GULP1: variants seen among roughly 807,000 people sequenced by gnomAD.
The protein encoded by GULP1 is PTB domain-containing engulfment adapter protein 1.
A neutral mutation model predicts 40.9 loss-of-function variants in GULP1; 19 were observed. The ratio of observed to expected loss-of-function variants is 0.46; its 90% CI spans 0.32 to 0.68. The LOEUF is 0.68. Among genes scored for constraint, GULP1 ranks in the 30% least tolerant of loss-of-function variants. GULP1 has a pLI of 0.03. For missense variants in GULP1, 312 were observed against 362.2 expected, an observed-to-expected ratio of 0.86 and a Z score of 1.12; for synonymous variants, 119 against 117.6, an observed-to-expected ratio of 1.01 and a Z score of -0.08.
chr2:188,522,158 ACTTAGTTGTATAT>A (rs1452858814), intron 4 of GULP1, among the ~76,000 whole-genome samples: 1 of 152,206 alleles, frequency 6.6e-6, no homozygotes, highest in African/African-American at 2.4e-5. Context: ...CTATAGCTTT[ACTTAGTTGTATAT>A]CTTGGCTATT....
At chr2:188,545,247 A>G (rs1691595123) in intron 7 of GULP1, among the ~76,000 whole-genome samples, 2 of 151,910 alleles carry the variant, frequency 1.3e-5, no homozygotes, top group South Asian at 2.1e-4. Flanking sequence ...AGTTCTCTAA[A>G]TGGAAAGGAA....
intron 1 of GULP1, among the ~76,000 whole-genome samples, chr2:188,328,212 G>A (rs914641052): frequency 1.3e-5 from 2 of 152,056 alleles, no homozygotes; most frequent in Non-Finnish European, 2.9e-5. Flanking sequence ...TATTTCTAGG[G>A]TTAAGATTAG....
chr2:188,338,263 GT>G (rs1161697421), intron 1 of GULP1, among the ~76,000 whole-genome samples: 3 of 148,924 alleles, frequency 2.0e-5, no homozygotes, highest in Non-Finnish European at 4.5e-5. Context: ...GAATATATTT[GT>G]TTTTGGGGAA....
At chr2:188,530,853 T>G (rs1234986954) in intron 6 of GULP1, among the ~76,000 whole-genome samples, 1 of 152,242 alleles carries the variant, frequency 6.6e-6, no homozygotes, top group East Asian at 1.9e-4. Context: ...ATTAGTCAAT[T>G]TGGAAAAATT....
At chr2:188,518,387 C>T (rs2065401729) in intron 4 of GULP1, among the ~76,000 whole-genome samples, 1 of 152,090 alleles carries the variant, frequency 6.6e-6, no homozygotes, top group Admixed American at 6.5e-5. Flanking sequence ...ACCTCACCTC[C>T]AAACAAATAA....
chr2:188,575,382 T>C (rs962563453), intron 9 of GULP1, among the ~76,000 whole-genome samples: 2 of 152,220 alleles, frequency 1.3e-5, no homozygotes, highest in African/African-American at 4.8e-5. Flanking sequence ...GTATTTCAGA[T>C]GTTAAAGGGT....
chr2:188,586,497 C>A (rs1702400266), intron 10 of GULP1, among the ~76,000 whole-genome samples: 1 of 152,122 alleles, frequency 6.6e-6, no homozygotes, highest in South Asian at 2.1e-4. Context: ...GATTGATTGC[C>A]TGAGCAACAC....
At chr2:188,427,926 A>T (rs1306849624) in intron 2 of GULP1, among the ~76,000 whole-genome samples, 1 of 152,210 alleles carries the variant, frequency 6.6e-6, no homozygotes, top group Non-Finnish European at 1.5e-5. Flanking sequence ...AGCTGCAAGC[A>T]CTCAGTGCCA....
chr2:188,444,614 G>A (rs2058225791), intron 2 of GULP1, among the ~76,000 whole-genome samples: 1 of 152,136 alleles, frequency 6.6e-6, no homozygotes, highest in East Asian at 1.9e-4. Flanking sequence ...CAGCCACTTG[G>A]CAGTTATCCA....
At chr2:188,592,732 G>A (rs184976450) in intron 11 of GULP1, 2 of 152,040 alleles carry the variant, frequency 1.3e-5, no homozygotes, top group Admixed American at 6.6e-5. Flanking sequence ...GTTTACATTG[G>A]ATTTATAGAA....
At chr2:188,425,232 C>T (rs899486220) in intron 2 of GULP1, among the ~76,000 whole-genome samples, 6 of 152,038 alleles carry the variant, frequency 3.9e-5, no homozygotes, top group Non-Finnish European at 8.8e-5. Flanking sequence ...TGCTGACTCT[C>T]AAAATAATGA....
chr2:188,393,487 G>T lies in GULP1; in HGVS notation c.-45+9598G>T, dbSNP rs997185965. ...TCTTTATGTGTTAGGTGAGTCTCTT[G>T]AAAACAGCAGATATTTGGTTTGTGA... On this transcript the variant is annotated intron_variant, in intron 2 of 11. Transcript: ENST00000409830. 5.9e-5 allele frequency among the ~76,000 whole-genome samples: 9 copies of T among 151,976 alleles called. No individual in the cohort carries two copies. In the East Asian group the frequency reaches 1.5e-3, roughly 26 times the overall value.
chr2:188,372,568 A>T (rs1314782861), intron 1 of GULP1, among the ~76,000 whole-genome samples: 2 of 151,888 alleles, frequency 1.3e-5, no homozygotes, highest in East Asian at 3.9e-4. Flanking sequence ...TCATACATGA[A>T]CTCCTTTAAA....
At chr2:188,331,169 A>G (rs925535241) in intron 1 of GULP1, among the ~76,000 whole-genome samples, 1 of 152,062 alleles carries the variant, frequency 6.6e-6, no homozygotes, top group Non-Finnish European at 1.5e-5. Context: ...GAGCCTTAGC[A>G]TTCTTTAATT....
chr2:188,505,117 T>A (rs1389477122), intron 4 of GULP1, among the ~76,000 whole-genome samples: 1 of 151,776 alleles, frequency 6.6e-6, no homozygotes, highest in Non-Finnish European at 1.5e-5. Context: ...GAATTCAAGA[T>A]CAATCATCAG....
At chr2:188,567,041 C>T (rs562608300) in intron 7 of GULP1, among the ~76,000 whole-genome samples, 1 of 152,160 alleles carries the variant, frequency 6.6e-6, no homozygotes, top group African/African-American at 2.4e-5. Flanking sequence ...AACTCAACAT[C>T]ACTGATCATC....
rs553687387 is a variant in GULP1 at position 188,378,530 on chromosome 2, A to G, written c.-171-5233A>G. Among the ~76,000 whole-genome samples the G allele has an allele frequency of 7.2e-5, 11 of 152,312 alleles. No individual in the cohort carries two copies. In the East Asian group the frequency reaches 1.9e-3, roughly 27 times the overall value. On this transcript the variant is annotated intron_variant, in intron 1 of 11. Coordinates refer to ENST00000409830, the MANE Select transcript of GULP1 (RefSeq NM_016315.4). ...TATTTGGCTCATGGTTCTGCAAGCT[A>G]TATACGACACATGGTGCCACCATCT...
intron 1 of GULP1, among the ~76,000 whole-genome samples, chr2:188,346,990 T>G (rs2043769071): frequency 6.6e-6 from 1 of 151,950 alleles, no homozygotes; most frequent in Non-Finnish European, 1.5e-5. Flanking sequence ...AAAAATTGTT[T>G]TGCTTTTAGA....
intron 7 of GULP1, among the ~76,000 whole-genome samples, chr2:188,556,978 C>T (rs866881532): frequency 2.0e-5 from 3 of 151,414 alleles, no homozygotes; most frequent in African/African-American, 4.9e-5. Flanking sequence ...GAGCCTAGAT[C>T]GTGCCACTGC....
Sources: allele counts gnomAD v4.1 joint callset (sites outside exome capture counted in the v4.1 genomes callset), GRCh38; gene constraint gnomAD v4.1.1; transcripts MANE v1.5; gene names NCBI Gene and HGNC (gene_info 2026-07-23, HGNC 2026-07-21).